EPM2A: variants seen among roughly 807,000 people sequenced by gnomAD.
EPM2A encodes the protein EPM2A glucan phosphatase, laforin.
A neutral mutation model predicts 26.5 loss-of-function variants in EPM2A; 21 were observed. The ratio of observed to expected loss-of-function variants is 0.79; its 90% CI spans 0.56 to 1.14. The LOEUF is 1.14. Among genes scored for constraint, EPM2A ranks in the 50% most tolerant of loss-of-function variants. The probability of loss-of-function intolerance (pLI) is 0.00; values close to 1 mark genes in which losing one functional copy is unlikely to be tolerated. For missense variants in EPM2A, 458 were observed against 440.8 expected (o/e 1.04, Z -0.35); for synonymous variants, 217 against 177.6 (o/e 1.22, Z -1.76).
intron 4 of EPM2A, among the ~76,000 whole-genome samples, chr6:145,468,693 G>A (rs889276904): frequency 1.3e-5 from 2 of 152,088 alleles, no homozygotes; most frequent in East Asian, 1.9e-4. Context: ...ATAAAACATT[G>A]GGGAACCTCC....
At chr6:145,609,673 T>A (rs1198694443) in intron 2 of EPM2A, among the ~76,000 whole-genome samples, 1 of 152,238 alleles carries the variant, frequency 6.6e-6, no homozygotes. Context: ...ACAGAAGGGT[T>A]ACAGCTTGTT....
chr6:145,611,612 G>A (rs532082340), intron 2 of EPM2A, among the ~76,000 whole-genome samples: 109 of 152,152 alleles, frequency 7.2e-4, no homozygotes, highest in African/African-American at 2.5e-3. Context: ...TATTGTCAAT[G>A]TAATAACAAT....
At chr6:145,631,153 C>G (rs1776222591) in intron 3 of EPM2A, 1 of 151,866 alleles carries the variant, frequency 6.6e-6, no homozygotes. Context: ...TCAAGAGGAC[C>G]ATGTCTCTCT....
intron 2 of EPM2A, among the ~76,000 whole-genome samples, chr6:145,537,590 T>G (rs555644303): frequency 3.0e-4 from 46 of 151,952 alleles, no homozygotes; most frequent in African/African-American, 1.0e-3. Flanking sequence ...GGTTTTTTTT[T>G]TTTTTTTTTT....
intron 4 of EPM2A, among the ~76,000 whole-genome samples, chr6:145,467,689 A>C (rs916513117): frequency 1.3e-5 from 2 of 152,168 alleles, no homozygotes; most frequent in Non-Finnish European, 2.9e-5. Flanking sequence ...TTTGGGGAGA[A>C]ATAACATCTT....
intron 4 of EPM2A, among the ~76,000 whole-genome samples, chr6:145,414,159 T>C (rs1329347047): frequency 1.3e-5 from 2 of 152,176 alleles, no homozygotes; most frequent in African/African-American, 4.8e-5. Flanking sequence ...CACTCAGTTC[T>C]GCCTTCAGCA....
chr6:145,559,502 G>C (rs1223024471), intron 2 of EPM2A, among the ~76,000 whole-genome samples: 1 of 151,898 alleles, frequency 6.6e-6, no homozygotes, highest in Non-Finnish European at 1.5e-5. Context: ...AAAGGATAGA[G>C]ACTAAATTAT....
At chr6:145,594,882 G>T (rs532216114) in intron 2 of EPM2A, among the ~76,000 whole-genome samples, 1 of 151,756 alleles carries the variant, frequency 6.6e-6, no homozygotes, top group South Asian at 2.1e-4. Flanking sequence ...TTTACATAGT[G>T]AGGATTTATA....
chr6:145,401,633 T>G (rs1334707805), intron 4 of EPM2A, among the ~76,000 whole-genome samples: 1 of 152,112 alleles, frequency 6.6e-6, no homozygotes, highest in Admixed American at 6.6e-5. Flanking sequence ...ACCCCAAACC[T>G]CTGGATTTCA....
At chr6:145,437,174 G>T (rs1013896186) in intron 4 of EPM2A, among the ~76,000 whole-genome samples, 1 of 152,056 alleles carries the variant, frequency 6.6e-6, no homozygotes, top group Admixed American at 6.6e-5. Context: ...TAGTGAGTGA[G>T]TTCTCATGAG....
intron 2 of EPM2A, among the ~76,000 whole-genome samples, chr6:145,567,908 C>G (rs1246667234): frequency 6.6e-6 from 1 of 152,100 alleles, no homozygotes; most frequent in Non-Finnish European, 1.5e-5. Context: ...TTTCCTACTT[C>G]CCCTCTTTTC....
At chr6:145,735,526 G>C (rs1776827958), upstream of EPM2A, 1 of 1,172,526 alleles carries the variant, frequency 8.5e-7, no homozygotes, top group Non-Finnish European at 1.1e-6. Flanking sequence ...CGAATACCCG[G>C]GCCCGGAGTC....
intron 4 of EPM2A, among the ~76,000 whole-genome samples, chr6:145,400,582 T>C (rs573774992): frequency 6.6e-6 from 1 of 152,138 alleles, no homozygotes; most frequent in Non-Finnish European, 1.5e-5. Context: ...TAACAGAGGT[T>C]GCTTACTGAG....
chr6:145,631,984 A>G (rs958914027), intron 3 of EPM2A: 2 of 152,108 alleles, frequency 1.3e-5, no homozygotes, highest in African/African-American at 2.4e-5. Context: ...GAAGTGTAAT[A>G]TAGATAGGAT....
chr6:145,627,716 C>A, intron 3 of EPM2A, 23 bp from the exon 4 acceptor site: 1 of 1,612,744 alleles, frequency 6.2e-7, no homozygotes, highest in Non-Finnish European at 8.5e-7. Context: ...AAGCACAGCA[C>A]ACATGTGAAT....
intron 4 of EPM2A, among the ~76,000 whole-genome samples, chr6:145,449,887 T>A (rs998690217): frequency 6.6e-6 from 1 of 152,142 alleles, no homozygotes; most frequent in Admixed American, 6.5e-5. Flanking sequence ...ATTTTAATGA[T>A]TAGTTATGCC....
chr6:145,510,572 T>C (rs1424380042), intron 2 of EPM2A, among the ~76,000 whole-genome samples: 1 of 152,078 alleles, frequency 6.6e-6, no homozygotes, highest in Non-Finnish European at 1.5e-5. Context: ...TACCAAAACC[T>C]CTGGGACACG....
chr6:145,440,482 T>C (rs1161905038), intron 4 of EPM2A, among the ~76,000 whole-genome samples: 1 of 152,088 alleles, frequency 6.6e-6, no homozygotes, highest in African/African-American at 2.4e-5. Context: ...AGTCATGCCT[T>C]CCCAATAGTC....
intron 1 of EPM2A, chr6:145,734,802 A>G (rs1290358453): frequency 1.3e-5 from 2 of 153,104 alleles, no homozygotes; most frequent in African/African-American, 4.8e-5. Context: ...GAAGGGGGGG[A>G]CTCGGAGGTC....
Sources: allele counts gnomAD v4.1 joint callset (sites outside exome capture counted in the v4.1 genomes callset), GRCh38; gene constraint gnomAD v4.1.1; transcripts MANE v1.5; gene names NCBI Gene and HGNC (gene_info 2026-07-23, HGNC 2026-07-21).